CNTN4: variants seen among roughly 807,000 people sequenced by gnomAD.
CNTN4 encodes the protein contactin-4.
In CNTN4, 77 loss-of-function variants were observed where a neutral mutation model predicts 122.5. That is an observed-to-expected ratio of 0.63 (90% CI 0.52 to 0.76). The LOEUF (loss-of-function observed/expected upper bound fraction) is 0.76, where lower values mean the gene tolerates loss of function less well. Among genes scored for constraint, CNTN4 ranks in the 30% least tolerant of loss-of-function variants. CNTN4 has a pLI of 0.00. For missense variants in CNTN4, 1,256 were observed against 1,259.1 expected (o/e 1.00, Z 0.04); for synonymous variants, 512 against 447.0 (o/e 1.15, Z -1.83).
chr3:2,352,918 T>G (rs2150462383), intron 3 of CNTN4, among the ~76,000 whole-genome samples: 1 of 151,722 alleles, frequency 6.6e-6, no homozygotes, highest in African/African-American at 2.4e-5. Context: ...TAGCTGAAGG[T>G]TTGTAAATGC....
In CNTN4 at chr3:2,675,820, G is replaced by A. The variant is rs375734768; in HGVS notation, c.56-60395G>A. Among the ~76,000 whole-genome samples, 7 of 152,218 alleles carry A rather than the reference G, an allele frequency of 4.6e-5. No individual in the cohort carries two copies. In the East Asian group the frequency reaches 1.4e-3, roughly 29 times the overall value. ...ATGTCTGAAATGCTTTCTTTGTGCT[G>A]GACACTGCTAAGCCTAATATGTCTG... On this transcript the variant is annotated intron_variant, in intron 4 of 24. Transcript: ENST00000418658.
chr3:2,444,225 A>T (rs909690678), intron 3 of CNTN4, among the ~76,000 whole-genome samples: 30 of 148,520 alleles, frequency 2.0e-4, no homozygotes, highest in Non-Finnish European at 1.6e-4. Context: ...AAAAAAAAAA[A>T]GCAGAAGTTA....
intron 23 of CNTN4, among the ~76,000 whole-genome samples, chr3:3,046,081 A>G (rs1054053988): frequency 5.9e-5 from 9 of 152,222 alleles, no homozygotes; most frequent in Non-Finnish European, 1.0e-4. Context: ...TTAGAGAAAA[A>G]AGAATGAAAA....
At chr3:2,703,139 G>T (rs1479633520) in intron 4 of CNTN4, among the ~76,000 whole-genome samples, 1 of 152,152 alleles carries the variant, frequency 6.6e-6, no homozygotes, top group African/African-American at 2.4e-5. Context: ...GCACAGAGAA[G>T]GTTTAGTAAA....
At chr3:2,796,954 A>C (rs1474368956) in intron 6 of CNTN4, among the ~76,000 whole-genome samples, 1 of 152,116 alleles carries the variant, frequency 6.6e-6, no homozygotes, top group Non-Finnish European at 1.5e-5. Flanking sequence ...GTTGCTTATA[A>C]GAGTATTCCC....
chr3:2,440,559 G>T (rs1330537818), intron 3 of CNTN4, among the ~76,000 whole-genome samples: 2 of 152,060 alleles, frequency 1.3e-5, no homozygotes, highest in African/African-American at 4.8e-5. Flanking sequence ...CTGATGTCGT[G>T]TGAGTGTATT....
At chr3:2,559,262 C>T (rs2078847033) in intron 3 of CNTN4, among the ~76,000 whole-genome samples, 1 of 152,152 alleles carries the variant, frequency 6.6e-6, no homozygotes. Context: ...TGAAGTACCC[C>T]ACCATTGCAG....
intron 2 of CNTN4, among the ~76,000 whole-genome samples, chr3:2,155,231 C>T (rs565593992): frequency 6.6e-6 from 1 of 152,278 alleles, no homozygotes; most frequent in East Asian, 1.9e-4. Context: ...GCTTACCTGC[C>T]TGCATTAATT....
intron 23 of CNTN4, among the ~76,000 whole-genome samples, chr3:3,051,904 C>G (rs1701311376): frequency 6.6e-6 from 1 of 152,178 alleles, no homozygotes; most frequent in African/African-American, 2.4e-5. Flanking sequence ...GAAGGATGAG[C>G]TAATCTCGTG....
At chr3:2,659,863 A>G (rs1039179645) in intron 4 of CNTN4, among the ~76,000 whole-genome samples, 41 of 152,316 alleles carry the variant, frequency 2.7e-4, no homozygotes, top group African/African-American at 9.6e-4. Context: ...AAACCCAATA[A>G]CATGTAAATT....
chr3:2,363,925 A>G (rs2045266858), intron 3 of CNTN4, among the ~76,000 whole-genome samples: 1 of 152,218 alleles, frequency 6.6e-6, no homozygotes, highest in South Asian at 2.1e-4. Flanking sequence ...ACAAATAGAA[A>G]ATAAATAATG....
chr3:2,785,879 C>A (rs1357495364), intron 6 of CNTN4, among the ~76,000 whole-genome samples: 1 of 95,212 alleles, frequency 1.1e-5, no homozygotes, highest in Non-Finnish European at 2.2e-5. Context: ...TTCCCAGAAC[C>A]ACCCTGGCCC....
chr3:2,360,781 A>G (rs2045101234), intron 3 of CNTN4, among the ~76,000 whole-genome samples: 1 of 152,178 alleles, frequency 6.6e-6, no homozygotes, highest in African/African-American at 2.4e-5. Context: ...AACCACCCCC[A>G]TGATTCAGCT....
intron 3 of CNTN4, among the ~76,000 whole-genome samples, chr3:2,359,863 A>C (rs886977027): frequency 1.3e-5 from 2 of 152,142 alleles, no homozygotes; most frequent in African/African-American, 2.4e-5. Flanking sequence ...TTATTCACTA[A>C]TTCCTTCACT....
chr3:2,731,173 G>A (rs76345211), intron 4 of CNTN4, among the ~76,000 whole-genome samples: 19,063 of 152,004 alleles, frequency 0.13, 1,401 homozygotes, highest in South Asian at 0.25. Flanking sequence ...GATTAGCCCA[G>A]AGACACTATG....
chr3:2,439,637 C>T (rs960610814), intron 3 of CNTN4, among the ~76,000 whole-genome samples: 8 of 151,734 alleles, frequency 5.3e-5, no homozygotes, highest in Admixed American at 1.3e-4. Flanking sequence ...TGTGTGTGTG[C>T]GCGCGTGCTT....
At chr3:2,561,516 G>A (rs368928848) in intron 3 of CNTN4, among the ~76,000 whole-genome samples, 18 of 152,072 alleles carry the variant, frequency 1.2e-4, no homozygotes, top group East Asian at 5.8e-4. Flanking sequence ...CCTTTGGCAC[G>A]GTGTGCTCCC....
At chr3:2,666,592 T>C (rs1407306695) in intron 4 of CNTN4, among the ~76,000 whole-genome samples, 1 of 152,126 alleles carries the variant, frequency 6.6e-6, no homozygotes, top group Non-Finnish European at 1.5e-5. Flanking sequence ...TGTTCTTTTT[T>C]TATTTTTATT....
At position 2,429,066 on chromosome 3, in the gene CNTN4, C is replaced by T. The variant is rs529828981; in HGVS notation, c.-89+89833C>T. ...GTTTGTTATTACCGATCGTCTGAAG[C>T]CTTCTTCTCTCAACTTGTCAAAGTA... On this transcript the variant is annotated intron_variant, in intron 3 of 24. Coordinates refer to ENST00000418658, the MANE Select transcript of CNTN4 (RefSeq NM_175607.3). 5.9e-5 allele frequency among the ~76,000 whole-genome samples: 9 copies of T among 152,248 alleles called. No individual in the cohort carries two copies. The East Asian group carries it at 1.7e-3, about 29-fold the overall frequency.
Sources: allele counts gnomAD v4.1 joint callset (sites outside exome capture counted in the v4.1 genomes callset), GRCh38; gene constraint gnomAD v4.1.1; transcripts MANE v1.5; gene names NCBI Gene and HGNC (gene_info 2026-07-23, HGNC 2026-07-21).